LRRC43: variants seen among roughly 807,000 people sequenced by gnomAD.
LRRC43 encodes leucine-rich repeat-containing protein 43.
In LRRC43, 62 loss-of-function variants were observed where a neutral mutation model predicts 64.3. The observed-to-expected ratio is 0.96, with a 90% CI of 0.79 to 1.19. The LOEUF (loss-of-function observed/expected upper bound fraction) is 1.19. Ranked by LOEUF, LRRC43 falls within the 50% of genes most tolerant of loss-of-function variation. The pLI is 0.00. For missense variants in LRRC43, 868 were observed against 845.0 expected, an observed-to-expected ratio of 1.03 and a Z score of -0.34; for synonymous variants, 422 against 382.3, an observed-to-expected ratio of 1.10 and a Z score of -1.21.
At position 122,187,779 on chromosome 12, in the gene LRRC43, G is replaced by A. The variant is rs765842778; in HGVS notation, c.601G>A (p.Gly201Arg). The change falls in exon 4 of 12, where the codon GGG becomes AGG. Residue 201 changes from glycine to arginine, a missense_variant. By Grantham distance (125) the Gly-to-Arg change is moderately radical (BLOSUM62 -2). Transcript: ENST00000339777. ...CCCACCCGCCGGCCTGCAGCACTTG[G>A]GGTTAGGCCACAACAAACTTCTAGG... ...AHPPAGLQHL[G>R]LGHNKLLGPL... The A allele has an allele frequency of 6.2e-7, 1 of 1,614,100 alleles. No individual in the cohort carries two copies. Among genetic ancestry groups the A allele is most frequent in the Non-Finnish European group, 8.5e-7 (1 of 1,180,026 alleles).
At chr12:122,203,281 C>G (rs1343754128) in intron 11 of LRRC43, 34 bp from the exon 12 acceptor site, 2 of 1,602,760 alleles carry the variant, frequency 1.2e-6, no homozygotes, top group Middle Eastern at 1.6e-4. Flanking sequence ...CCATCCGTCT[C>G]CCGGGGCTCA....
rs942534186 is a variant in LRRC43 at position 122,191,535 on chromosome 12, G to A, written c.1057G>A (p.Glu353Lys). ...TYDFVKDEEG[E>K]MNESAGVLAE... ...TGATTTTGTGAAAGATGAAGAAGGC[G>A]AAATGAATGAGTCCGCGGGCGTCCT... The change falls in exon 6 of 12, where the codon GAA becomes AAA. Residue 353 changes from glutamate (E) to lysine (K), a missense_variant. Physicochemically the swap from Glu to Lys is moderately conservative, Grantham distance 56 (BLOSUM62 1). Transcript: ENST00000339777. 24 of 1,614,154 alleles carry A rather than the reference G, an allele frequency of 1.5e-5. No individual in the cohort carries two copies. The highest frequency in any genetic ancestry group is 1.7e-4 in the Middle Eastern group (1 of 6,060).
chr12:122,172,756 G>A (rs1236706116), intron 1 of LRRC43: 3 of 1,584,976 alleles, frequency 1.9e-6, no homozygotes, highest in Non-Finnish European at 8.6e-7. Context: ...GGAATGAGGA[G>A]AAATGGTCAG....
rs775757244 is a variant in LRRC43 at position 122,174,758 on chromosome 12, T to C, written c.-406+6976T>C. On this transcript the variant is annotated intron_variant, in intron 1 of 5. Transcript: ENST00000537729. Reference sequence around the variant, plus strand: ...TGTGGCCTTGGACATCACTGGACTCTCCATCGTGCCTCTGCAATCTCAGGG... The same window carrying C: ...TGTGGCCTTGGACATCACTGGACTCCCCATCGTGCCTCTGCAATCTCAGGG... Among the ~76,000 whole-genome samples the C allele has an allele frequency of 3.3e-5, 5 of 152,106 alleles. No homozygotes were observed. The South Asian group carries it at 1.0e-3, about 32-fold the overall frequency.
rs1593148914 is a variant in LRRC43, at chr12:122,190,083, T to C, written c.663-47T>C. On this transcript the variant is annotated intron_variant, in intron 4 of 11. Coordinates refer to ENST00000339777, the MANE Select transcript of LRRC43 (RefSeq NM_001098519.2). ...TTTTGGCCACAGGCTGCTTGCCCCC[T>C]GCTCACCTGGCTTCTTGACCCCCAG... The C allele has an allele frequency of 2.6e-6, 4 of 1,523,956 alleles. No individual in the cohort carries two copies. In the South Asian group the frequency reaches 4.5e-5, roughly 17 times the overall value. The allele number at this position is 1,523,956 out of a possible 1,614,324, so 94.4% of individuals were successfully genotyped here.
chr12:122,200,824 C>G lies in LRRC43; in HGVS notation c.1699C>G (p.Arg567Gly). 1 of 1,613,174 alleles carries G rather than the reference C, an allele frequency of 6.2e-7. No homozygotes were observed. The highest frequency in any genetic ancestry group is 8.5e-7 in the Non-Finnish European group (1 of 1,180,002). ...QDPPILQVLG[R>G]GLVILEPLLA... ...CCCCCCCATCCTCCAGGTGCTGGGC[C>G]GGGGCCTGGTGATCCTGGAGCCCCT... Residue 567 changes from arginine (R) to glycine (G), a missense_variant, in exon 10 of 12, where the codon CGG becomes GGG. Arg to Gly is a moderately radical substitution (Grantham distance 125, BLOSUM62 -2). Transcript: ENST00000339777. The surrounding 1 kb of genome is among the most constrained non-coding windows in gnomAD (Gnocchi z 4.6).
At chr12:122,196,138 A>G (rs2136055108) in intron 7 of LRRC43, among the ~76,000 whole-genome samples, 1 of 152,264 alleles carries the variant, frequency 6.6e-6, no homozygotes, top group South Asian at 2.1e-4. Flanking sequence ...CAGCACCTTC[A>G]ACAGATAATG....
chr12:122,168,572 G>A lies in LRRC43; in HGVS notation c.-406+790G>A, dbSNP rs560411006. Among the ~76,000 whole-genome samples, 9 of 152,170 alleles carry A rather than the reference G, an allele frequency of 5.9e-5. No individual in the cohort carries two copies. The South Asian group carries it at 1.5e-3, about 25-fold the overall frequency. ...TAAAGGGCTGGGATTACAGGGGTGA[G>A]CCACAGCACCTGACCTATTTTAAGT... On this transcript the variant is annotated intron_variant, in intron 1 of 5. Coordinates refer to the LRRC43 transcript ENST00000537729.
chr12:122,181,467 T>C (rs1328728057), upstream of LRRC43, among the ~76,000 whole-genome samples: 2 of 147,900 alleles, frequency 1.4e-5, no homozygotes, highest in Non-Finnish European at 3.0e-5. Context: ...GGCGTGAACC[T>C]GGCAGGCGGA....
upstream of LRRC43, chr12:122,182,865 T>C (rs1028593090): frequency 6.6e-6 from 3 of 452,170 alleles, no homozygotes; most frequent in Admixed American, 8.6e-5. Flanking sequence ...TTTCTCCATC[T>C]GTCAGATGGG....
chr12:122,200,492 C>T lies in LRRC43; in HGVS notation c.1492-40C>T. On this transcript the variant is annotated intron_variant, in intron 8 of 11. Transcript: ENST00000339777. The surrounding 1 kb of genome is among the most constrained non-coding windows in gnomAD (Gnocchi z 4.6). Reference sequence around the variant, plus strand: ...GGAGAGGTGACCCCAGGCAGCCCGCCTGGGCCTCTGCTCACTCGAGGATTC... The same window carrying T: ...GGAGAGGTGACCCCAGGCAGCCCGCTTGGGCCTCTGCTCACTCGAGGATTC... The T allele has an allele frequency of 1.2e-6, 2 of 1,613,884 alleles. No homozygotes were observed. Among genetic ancestry groups the T allele is most frequent in the South Asian group, 1.1e-5 (1 of 90,922 alleles).
chr12:122,173,897 C>T (rs1339686296), intron 1 of LRRC43: 2 of 1,614,132 alleles, frequency 1.2e-6, no homozygotes, highest in African/African-American at 1.3e-5. Context: ...ATTTTCTGTA[C>T]ATCATCACTT....
At position 122,184,812 on chromosome 12, in the gene LRRC43, G is replaced by C. The variant is rs1415589801; in HGVS notation, c.411+33G>C. The C allele has an allele frequency of 6.4e-7, 1 of 1,569,498 alleles. No homozygotes were observed. The highest frequency in any genetic ancestry group is 8.6e-7 in the Non-Finnish European group (1 of 1,157,134). On this transcript the variant is annotated intron_variant, in intron 2 of 11. Transcript: ENST00000339777. This position sits in a 1 kb window ranked among gnomAD's most constrained non-coding sequence, Gnocchi z 4.0. ...CTGGGCACGTGGTAGGTGATGTTAG[G>C]GTGGCCGCTCCCCTAAGGGAGGTTG... is the stretch of plus-strand genomic sequence containing the variant.
chr12:122,190,458 T>C, intron 5 of LRRC43, 90 bp downstream of exon 5: 3 of 1,030,170 alleles, frequency 2.9e-6, no homozygotes, highest in Non-Finnish European at 4.4e-6. Flanking sequence ...CGTGTACCCG[T>C]CTGTCCTGCA....
rs1593157847 is a variant in LRRC43, at chr12:122,203,471, A to C, written c.*29A>C. The C allele has an allele frequency of 1.3e-6, 2 of 1,575,386 alleles. No individual in the cohort carries two copies. Among genetic ancestry groups the C allele is most frequent in the Middle Eastern group, 1.8e-4 (1 of 5,654 alleles). On this transcript the variant is annotated 3_prime_UTR_variant, in exon 12 of 12. Coordinates refer to ENST00000339777, the MANE Select transcript of LRRC43 (RefSeq NM_001098519.2). Reference sequence around the variant, plus strand: ...GTGGGCAGTAAAGGCTGTTCCCAGCACTCCCGCCTCCGCTTCTGTCCCGCC... The same window carrying C: ...GTGGGCAGTAAAGGCTGTTCCCAGCCCTCCCGCCTCCGCTTCTGTCCCGCC...
At chr12:122,170,795 A>G (rs1360685116) in intron 1 of LRRC43, among the ~76,000 whole-genome samples, 4 of 151,992 alleles carry the variant, frequency 2.6e-5, no homozygotes, top group Non-Finnish European at 4.4e-5. Context: ...TTCCCCCGAG[A>G]TAAGATGAAT....
At chr12:122,203,233 T>G in intron 11 of LRRC43, 82 bp from the exon 12 acceptor site, 1 of 1,515,422 alleles carries the variant, frequency 6.6e-7, no homozygotes, top group Non-Finnish European at 8.9e-7. Context: ...GTCCAGGGCT[T>G]GCATATGGGA....
intron 1 of LRRC43, among the ~76,000 whole-genome samples, chr12:122,177,816 AT>A (rs144457813): frequency 7.2e-6 from 1 of 139,062 alleles, no homozygotes; most frequent in African/African-American, 3.0e-5. Context: ...TTGTGGTTTT[AT>A]TTATTTATTT....
At position 122,183,253 on chromosome 12, in the gene LRRC43, A is replaced by G. The variant is rs775440236; in HGVS notation, c.109A>G (p.Lys37Glu). ...CGCGGCCGTGCGCGAGCACTTGCGGAAGCTGTGTCTGCGCGAGTTCCCGTG... is the reference window on the plus strand; with the variant it reads ...CGCGGCCGTGCGCGAGCACTTGCGGGAGCTGTGTCTGCGCGAGTTCCCGTG... ...VSAAVREHLR[K>E]LCLREFPCGA... Residue 37 changes from lysine to glutamate, a missense_variant, in exon 1 of 12, where the codon AAG becomes GAG. Lys to Glu is a moderately conservative substitution (Grantham distance 56). Transcript: ENST00000339777. 5 of 1,566,846 alleles carry G rather than the reference A, an allele frequency of 3.2e-6. No individual in the cohort carries two copies. The African/African-American group carries it at 4.2e-5, about 13-fold the overall frequency.
Sources: allele counts gnomAD v4.1 joint callset (sites outside exome capture counted in the v4.1 genomes callset), GRCh38; gene constraint gnomAD v4.1.1; non-coding constraint Gnocchi (gnomAD v3.1); transcripts MANE v1.5; gene names NCBI Gene and HGNC (gene_info 2026-07-23, HGNC 2026-07-21).